The following RNF150 variants were observed in gnomAD, a reference collection of about 807,000 sequenced individuals.
The protein encoded by RNF150 is ring finger protein 150.
Under a neutral mutation model 39.3 loss-of-function variants are expected in RNF150, and 24 were observed. The observed-to-expected ratio is 0.61, with a 90% CI of 0.44 to 0.86. The LOEUF (loss-of-function observed/expected upper bound fraction) is 0.86, where lower values mean the gene tolerates loss of function less well. Ranked by LOEUF, RNF150 falls within the 40% of genes least tolerant of loss-of-function variation. RNF150 has a pLI of 0.00. For missense variants in RNF150, 502 were observed against 587.8 expected, an observed-to-expected ratio of 0.85 and a Z score of 1.51; for synonymous variants, 255 against 227.3, an observed-to-expected ratio of 1.12 and a Z score of -1.10.
intron 1 of RNF150, among the ~76,000 whole-genome samples, chr4:141,156,143 G>C (rs1727393696): frequency 6.6e-6 from 1 of 152,022 alleles, no homozygotes. Context: ...CATCATGGCT[G>C]GAAACCCTGT....
chr4:141,190,257 AG>A (rs1661601335), intron 1 of RNF150, among the ~76,000 whole-genome samples: 1 of 152,100 alleles, frequency 6.6e-6, no homozygotes, highest in Non-Finnish European at 1.5e-5. Flanking sequence ...TGCAGACCAG[AG>A]CTGTTCCTAT....
At chr4:141,033,401 T>A (rs1216247561) in intron 1 of RNF150, among the ~76,000 whole-genome samples, 2 of 152,190 alleles carry the variant, frequency 1.3e-5, no homozygotes, top group African/African-American at 2.4e-5. Context: ...TTTCCACATC[T>A]GCAGTGACTT....
At chr4:141,142,624 G>A (rs1727137070) in intron 1 of RNF150, among the ~76,000 whole-genome samples, 1 of 152,162 alleles carries the variant, frequency 6.6e-6, no homozygotes, top group Non-Finnish European at 1.5e-5. Context: ...GGTGACTGCT[G>A]CTTTGTCAGA....
At chr4:141,207,580 T>C (rs1365193394) in intron 1 of RNF150, among the ~76,000 whole-genome samples, 2 of 152,008 alleles carry the variant, frequency 1.3e-5, no homozygotes, top group African/African-American at 4.8e-5. Context: ...AATCCACCTA[T>C]ATGAACTTCG....
chr4:141,022,509 G>T (rs1174482594), intron 1 of RNF150, among the ~76,000 whole-genome samples: 1 of 152,142 alleles, frequency 6.6e-6, no homozygotes, highest in African/African-American at 2.4e-5. Context: ...GACTTTGCCA[G>T]TTACAGCTCA....
At chr4:141,037,160 G>T (rs1217503235) in intron 1 of RNF150, among the ~76,000 whole-genome samples, 2 of 151,834 alleles carry the variant, frequency 1.3e-5, no homozygotes, top group African/African-American at 4.8e-5. Flanking sequence ...ACAGTATTCT[G>T]TTTCTTTTTA....
chr4:141,128,948 G>A (rs1375847069), intron 1 of RNF150, among the ~76,000 whole-genome samples: 1 of 152,110 alleles, frequency 6.6e-6, no homozygotes, highest in Non-Finnish European at 1.5e-5. Flanking sequence ...ACTTGAATGG[G>A]CAAAATAAAA....
intron 1 of RNF150, among the ~76,000 whole-genome samples, chr4:140,969,758 T>C: frequency 3.1e-5 from 1 of 32,374 alleles, no homozygotes. Flanking sequence ...AAGTTTTACT[T>C]TTTTTTTTTT....
chr4:140,979,077 A>C (rs1733766804), intron 1 of RNF150, among the ~76,000 whole-genome samples: 1 of 152,146 alleles, frequency 6.6e-6, no homozygotes, highest in Non-Finnish European at 1.5e-5. Context: ...GCCCATACTC[A>C]GTAGGCCCGC....
At position 141,120,834 on chromosome 4, in the gene RNF150, G is replaced by A. The variant is rs75959802; in HGVS notation, c.484+11491C>T. On this transcript the variant is annotated intron_variant, in intron 1 of 6. Coordinates refer to ENST00000515673, the MANE Select transcript of RNF150 (RefSeq NM_020724.2). ...GTTCCAAGTATGATGGGGAATCCCTGGAAGATTTGAGCAGAGGAGTGATTG... is the reference window on the plus strand; with the variant it reads ...GTTCCAAGTATGATGGGGAATCCCTAGAAGATTTGAGCAGAGGAGTGATTG... Among the ~76,000 whole-genome samples, 6,215 of 152,154 alleles carry A rather than the reference G, an allele frequency of 0.041. 795 individuals are homozygous for A. The East Asian group carries it at 0.51, about 13-fold the overall frequency.
chr4:140,977,530 T>A (rs1240447344), intron 1 of RNF150, among the ~76,000 whole-genome samples: 1 of 152,134 alleles, frequency 6.6e-6, no homozygotes, highest in Admixed American at 6.5e-5. Context: ...CTGAAGTCAG[T>A]CTACCTTTGG....
At chr4:141,111,174 T>C (rs951717453) in intron 1 of RNF150, among the ~76,000 whole-genome samples, 2 of 152,202 alleles carry the variant, frequency 1.3e-5, no homozygotes, top group African/African-American at 4.8e-5. Flanking sequence ...TGAGGAATGG[T>C]CTGTATATCT....
intron 1 of RNF150, among the ~76,000 whole-genome samples, chr4:141,060,613 A>G (rs1737179977): frequency 1.3e-5 from 2 of 152,216 alleles, no homozygotes; most frequent in African/African-American, 4.8e-5. Context: ...ATTCATTTTT[A>G]GCTTTACATT....
rs761683347 is a variant in RNF150, at chr4:141,132,304, C to A, written c.484+21G>T. ...TCCGTCCCCGCCGGCTCCCCTCCCCCGCGCCCGCTGGGCCACTCACCCGCG... is the reference window on the plus strand; with the variant it reads ...TCCGTCCCCGCCGGCTCCCCTCCCCAGCGCCCGCTGGGCCACTCACCCGCG... On this transcript the variant is annotated intron_variant, in intron 1 of 6. Coordinates refer to ENST00000515673, the MANE Select transcript of RNF150 (RefSeq NM_020724.2). The surrounding 1 kb of genome is among the most constrained non-coding windows in gnomAD (Gnocchi z 4.9). The A allele has an allele frequency of 8.3e-6, 13 of 1,559,024 alleles. No homozygotes were observed. The highest frequency in any genetic ancestry group is 3.9e-5 in the Admixed American group (2 of 51,492).
chr4:140,943,774 A>T (rs1251864668), intron 4 of RNF150, among the ~76,000 whole-genome samples: 3 of 152,204 alleles, frequency 2.0e-5, no homozygotes, highest in Non-Finnish European at 4.4e-5. Context: ...AGGTACTAAA[A>T]GTTTATCAAG....
intron 4 of RNF150, among the ~76,000 whole-genome samples, chr4:140,930,910 A>AATGGAAAGGCC (rs1372207758): frequency 5.4e-4 from 4 of 7,378 alleles, no homozygotes; most frequent in Non-Finnish European, 8.7e-4. Flanking sequence ...TGTTAACGAC[A>AATGGAAAGGCC]ATGGAAAGGT....
At chr4:141,123,577 G>A (rs1726672098) in intron 1 of RNF150, among the ~76,000 whole-genome samples, 1 of 152,110 alleles carries the variant, frequency 6.6e-6, no homozygotes, top group African/African-American at 2.4e-5. Context: ...TATACTTTAA[G>A]TTCTAGGGTA....
chr4:140,921,347 C>G (rs550875877), intron 5 of RNF150, among the ~76,000 whole-genome samples: 6 of 151,710 alleles, frequency 4.0e-5, no homozygotes, highest in African/African-American at 1.5e-4. Flanking sequence ...CACCTCTACA[C>G]GAATAAACTA....
chr4:141,168,338 C>T (rs1479395316), intron 1 of RNF150, among the ~76,000 whole-genome samples: 1 of 152,152 alleles, frequency 6.6e-6, no homozygotes, highest in Non-Finnish European at 1.5e-5. Flanking sequence ...CGCTTTTACA[C>T]CATTGGTGGG....
Sources: allele counts gnomAD v4.1 joint callset (sites outside exome capture counted in the v4.1 genomes callset), GRCh38; gene constraint gnomAD v4.1.1; non-coding constraint Gnocchi (gnomAD v3.1); transcripts MANE v1.5; gene names NCBI Gene and HGNC (gene_info 2026-07-23, HGNC 2026-07-21).